CCL17: variants seen among roughly 807,000 people sequenced by gnomAD.
CCL17 encodes the protein C-C motif chemokine 17.
In CCL17, 8 loss-of-function variants were observed where a neutral mutation model predicts 7.4. The ratio of observed to expected loss-of-function variants is 1.09; its 90% confidence interval spans 0.64 to 1.96. The LOEUF (loss-of-function observed/expected upper bound fraction) is 1.96. Ranked by LOEUF, CCL17 falls within the 30% of genes most tolerant of loss-of-function variation. The pLI is 0.00. For missense variants in CCL17, 102 were observed against 113.0 expected (o/e 0.90, Z 0.44); for synonymous variants, 40 against 46.1 (o/e 0.87, Z 0.54).
chr16:57,397,696 A>T, the CCL17 span, among the ~76,000 whole-genome samples: 1 of 152,182 alleles, frequency 6.6e-6, no homozygotes, highest in African/African-American at 2.4e-5. Flanking sequence ...TTCTTTCCAT[A>T]TTGCAGCATG....
chr16:57,403,369 TATATATAAC>T (rs1348434355), upstream of CCL17, among the ~76,000 whole-genome samples: 1 of 26,054 alleles, frequency 3.8e-5, no homozygotes, highest in Non-Finnish European at 5.4e-5. Context: ...TATATTATAA[TATATATAAC>T]ATATATTATA....
upstream of CCL17, among the ~76,000 whole-genome samples, chr16:57,401,272 C>T (rs903065148): frequency 8.6e-5 from 13 of 152,032 alleles, no homozygotes; most frequent in Admixed American, 2.0e-4. Context: ...GCCTGTAATC[C>T]TAGCACTTTG....
intron 1 of CCL17, among the ~76,000 whole-genome samples, chr16:57,413,150 A>G (rs1162900245): frequency 6.6e-6 from 1 of 152,164 alleles, no homozygotes; most frequent in Non-Finnish European, 1.5e-5. Flanking sequence ...ATCTTAGTGT[A>G]AGGCATCCCA....
intron 1 of CCL17, among the ~76,000 whole-genome samples, chr16:57,406,861 A>G (rs2146534759): frequency 6.6e-6 from 1 of 152,268 alleles, no homozygotes; most frequent in African/African-American, 2.4e-5. Context: ...ACTGGGACTC[A>G]GGGCTGTAGG....
At chr16:57,404,658 A>G (rs1902668387), upstream of CCL17, 1 of 153,026 alleles carries the variant, frequency 6.5e-6, no homozygotes, top group Admixed American at 6.5e-5. Context: ...ATTTAAAGTC[A>G]GAAACGTGTA....
At chr16:57,399,908 C>CA (rs1296658617), upstream of CCL17, among the ~76,000 whole-genome samples, 97 of 152,158 alleles carry the variant, frequency 6.4e-4, 3 homozygotes, top group Non-Finnish European at 1.3e-4. Context: ...TGCTGCTCCC[C>CA]ACACAGAAAG....
the CCL17 span, among the ~76,000 whole-genome samples, chr16:57,399,279 A>G: frequency 6.6e-6 from 1 of 152,130 alleles, no homozygotes; most frequent in Non-Finnish European, 1.5e-5. Flanking sequence ...CATCAGATCA[A>G]TGAAGGAGAA....
In CCL17 at chr16:57,415,866, T is replaced by C; in HGVS notation, c.*5T>C. 1 of 1,570,610 alleles carries C rather than the reference T, an allele frequency of 6.4e-7. No homozygotes were observed. The highest frequency in any genetic ancestry group is 8.8e-7 in the Non-Finnish European group (1 of 1,140,468). Reference sequence around the variant, plus strand: ...CAAAGCCTTGAGAGGTCTTGAAGCCTCCTCACCCCAGACTCCTGACTGTCT... The same window carrying C: ...CAAAGCCTTGAGAGGTCTTGAAGCCCCCTCACCCCAGACTCCTGACTGTCT... On this transcript the variant is annotated 3_prime_UTR_variant, in exon 4 of 4. Coordinates refer to ENST00000219244, the MANE Select transcript of CCL17 (RefSeq NM_002987.3). This position sits in a 1 kb window ranked among gnomAD's most constrained non-coding sequence, Gnocchi z 4.5.
the CCL17 span, among the ~76,000 whole-genome samples, chr16:57,397,246 A>G: frequency 1.2e-4 from 18 of 152,200 alleles, no homozygotes; most frequent in African/African-American, 4.3e-4. Flanking sequence ...GATGGTCCGG[A>G]GGAGATTTGG....
At chr16:57,407,591 T>G (rs1902715357) in intron 1 of CCL17, among the ~76,000 whole-genome samples, 1 of 152,124 alleles carries the variant, frequency 6.6e-6, no homozygotes, top group African/African-American at 2.4e-5. Context: ...CATGCACCCA[T>G]ACTTCTATTC....
the CCL17 span, among the ~76,000 whole-genome samples, chr16:57,396,947 G>T: frequency 6.6e-6 from 1 of 152,160 alleles, no homozygotes. Context: ...TGTAAAAGCT[G>T]GATTGCGAAG....
rs921830420 is a variant in CCL17 at position 57,415,118 on chromosome 16, G to A, written c.108G>A (p.Glu36=). The part of the protein sequence containing the change: ...GTNVGRECCL[E]YFKGAIPLRK... ...ATGTGGGCCGGGAGTGCTGCCTGGA[G>A]TACTTCAAGGGAGCCATTCCCCTTA... Residue 36 remains glutamate, a synonymous_variant, in exon 3 of 4, where the codon GAG becomes GAA. Transcript: ENST00000219244. The surrounding 1 kb of genome is among the most constrained non-coding windows in gnomAD (Gnocchi z 4.5). 1 of 1,614,038 alleles carries A rather than the reference G, an allele frequency of 6.2e-7. No homozygotes were observed. The highest frequency in any genetic ancestry group is 8.5e-7 in the Non-Finnish European group (1 of 1,179,912).
chr16:57,415,140 C>T lies in CCL17; in HGVS notation c.130C>T (p.Leu44Phe). ...GGAGTACTTCAAGGGAGCCATTCCC[C>T]TTAGAAAGCTGAAGACGTGGTACCA... is the stretch of plus-strand genomic sequence containing the variant. ...CLEYFKGAIPLRKLKTWYQTS... is the reference protein window; with the variant it reads ...CLEYFKGAIPFRKLKTWYQTS... Residue 44 changes from leucine (L) to phenylalanine (F), a missense_variant, in exon 3 of 4, where the codon CTT (leucine) becomes TTT (phenylalanine). Physicochemically the swap from Leu to Phe is conservative, Grantham distance 22. Transcript: ENST00000219244. This position sits in a 1 kb window ranked among gnomAD's most constrained non-coding sequence, Gnocchi z 4.5. 1 of 1,614,078 alleles carries T rather than the reference C, an allele frequency of 6.2e-7. No individual in the cohort carries two copies. The highest frequency in any genetic ancestry group is 8.5e-7 in the Non-Finnish European group (1 of 1,179,936).
chr16:57,415,658 C>A lies in CCL17; in HGVS notation c.189-107C>A. On this transcript the variant is annotated intron_variant, in intron 3 of 3. Coordinates refer to ENST00000219244, the MANE Select transcript of CCL17 (RefSeq NM_002987.3). This position sits in a 1 kb window ranked among gnomAD's most constrained non-coding sequence, Gnocchi z 4.5. Reference sequence around the variant, plus strand: ...CCTGTGTGACAGCAGCAACTTCCTGCCCCTCTTGGAGCCTTGGAATCCTGG... The same window carrying A: ...CCTGTGTGACAGCAGCAACTTCCTGACCCTCTTGGAGCCTTGGAATCCTGG... 1.4e-6 allele frequency: 1 copy of A among 718,470 alleles called. No homozygotes were observed. The highest frequency in any genetic ancestry group is 2.1e-5 in the Admixed American group (1 of 47,874). 44.5% of individuals were successfully genotyped at this position (718,470 alleles called of 1,614,324 possible).
intron 1 of CCL17, among the ~76,000 whole-genome samples, chr16:57,411,759 C>T (rs1902788038): frequency 6.6e-6 from 1 of 152,234 alleles, no homozygotes; most frequent in Non-Finnish European, 1.5e-5. Flanking sequence ...TCCTGCACCT[C>T]TGGGCTCAGG....
upstream of CCL17, among the ~76,000 whole-genome samples, chr16:57,403,527 TTA>T (rs1283792091): frequency 0.041 from 1,253 of 30,760 alleles, 169 homozygotes; most frequent in African/African-American, 0.088. Context: ...TATATATATG[TTA>T]TATATATTAT....
chr16:57,403,939 G>A (rs113931757), upstream of CCL17, among the ~76,000 whole-genome samples: 1,116 of 151,860 alleles, frequency 7.3e-3, 17 homozygotes, highest in African/African-American at 0.025. Context: ...TTACAGGCGT[G>A]AGCCACCACG....
chr16:57,403,232 AAT>A (rs374831560), upstream of CCL17, among the ~76,000 whole-genome samples: 35 of 190 alleles, frequency 0.18, 4 homozygotes, highest in Admixed American at 0.38. Flanking sequence ...TATTATCTAT[AAT>A]ATATATAATA....
rs71152269 is a variant in CCL17, at chr16:57,414,410, CTTTTTTTTTTTTT to C, written c.70+422_70+434del. ...TTCCAAGAGCATGTAAAAAAGGATT[CTTTTTTTTTTTTT>C]TTTTTTTTTTTTTGAGATGGAGTCT... On this transcript the variant is annotated intron_variant, in intron 2 of 3. Coordinates refer to ENST00000219244, the MANE Select transcript of CCL17 (RefSeq NM_002987.3). Among the ~76,000 whole-genome samples, 9 of 75,996 alleles carry C rather than the reference CTTTTTTTTTTTTT, an allele frequency of 1.2e-4. No homozygotes were observed. In the South Asian group the frequency reaches 3.1e-3, roughly 27 times the overall value. 49.9% of individuals were successfully genotyped at this position (75,996 alleles called of 152,430 possible).
Sources: gnomAD v4.1 joint callset for allele counts (sites outside exome capture counted in the v4.1 genomes callset) on GRCh38, gnomAD v4.1.1 for gene constraint, Gnocchi (gnomAD v3.1) non-coding constraint, MANE v1.5 for transcripts, NCBI Gene and HGNC (gene_info 2026-07-23, HGNC 2026-07-21) for gene names.